Variants in PDE1C observed in about 807,000 individuals in gnomAD.
The protein encoded by PDE1C is phosphodiesterase 1C.
A neutral mutation model predicts 93.1 loss-of-function variants in PDE1C; 62 were observed. That is an observed-to-expected ratio of 0.67 (90% CI 0.54 to 0.82). The LOEUF (loss-of-function observed/expected upper bound fraction) is 0.82, where lower values mean the gene tolerates loss of function less well. Ranked by LOEUF, PDE1C falls within the 40% of genes least tolerant of loss-of-function variation. The probability of loss-of-function intolerance (pLI) is 0.00; values close to 1 mark genes in which losing one functional copy is unlikely to be tolerated. For missense variants in PDE1C, 742 were observed against 884.6 expected (o/e 0.84, Z 2.04); for synonymous variants, 325 against 310.1 (o/e 1.05, Z -0.50).
intron 1 of PDE1C, among the ~76,000 whole-genome samples, chr7:32,279,347 C>A (rs1811480866): frequency 6.6e-6 from 1 of 152,120 alleles, no homozygotes; most frequent in Admixed American, 6.5e-5. Flanking sequence ...AAAGGTCGGT[C>A]AACAGGTACA....
intron 2 of PDE1C, among the ~76,000 whole-genome samples, chr7:31,897,061 T>G (rs920041646): frequency 6.6e-6 from 1 of 152,228 alleles, no homozygotes; most frequent in African/African-American, 2.4e-5. Context: ...GATGTGCGCT[T>G]AGACTCTCCA....
chr7:31,887,487 C>G (rs1462142936), intron 2 of PDE1C, among the ~76,000 whole-genome samples: 1 of 152,054 alleles, frequency 6.6e-6, no homozygotes, highest in Non-Finnish European at 1.5e-5. Flanking sequence ...TAATTAGTAC[C>G]TAGGTGCATA....
intron 7 of PDE1C, among the ~76,000 whole-genome samples, chr7:31,861,170 C>A (rs1794652015): frequency 2.0e-5 from 3 of 152,194 alleles, no homozygotes; most frequent in African/African-American, 7.2e-5. Flanking sequence ...CAATGCACCA[C>A]TCTCTTCTTG....
At chr7:31,984,585 A>G (rs564902143) in intron 2 of PDE1C, among the ~76,000 whole-genome samples, 4 of 152,198 alleles carry the variant, frequency 2.6e-5, no homozygotes, top group Non-Finnish European at 4.4e-5. Flanking sequence ...ATGTTTTTTG[A>G]ACAAGGAGAC....
chr7:31,659,513 T>A, the PDE1C span, among the ~76,000 whole-genome samples: 3 of 152,210 alleles, frequency 2.0e-5, no homozygotes, highest in South Asian at 6.2e-4. Context: ...CAGGGCCAGA[T>A]AGCGCAAGGG....
intron 3 of PDE1C, among the ~76,000 whole-genome samples, chr7:32,085,652 A>G (rs1236500194): frequency 6.7e-6 from 1 of 148,282 alleles, no homozygotes; most frequent in Non-Finnish European, 1.5e-5. Context: ...AAGCTTATCC[A>G]CCATGATCAA....
At chr7:31,955,471 A>T (rs976834851) in intron 2 of PDE1C, among the ~76,000 whole-genome samples, 2 of 152,218 alleles carry the variant, frequency 1.3e-5, no homozygotes, top group African/African-American at 4.8e-5. Context: ...AGCTAATCTT[A>T]TAAAGAACTT....
chr7:31,986,034 A>C (rs558547903), intron 2 of PDE1C, among the ~76,000 whole-genome samples: 1 of 152,290 alleles, frequency 6.6e-6, no homozygotes, highest in East Asian at 1.9e-4. Flanking sequence ...CTACCTGGAA[A>C]ACTTAAGAGT....
chr7:32,290,997 G>T (rs908627616), intron 1 of PDE1C, among the ~76,000 whole-genome samples: 2 of 151,974 alleles, frequency 1.3e-5, no homozygotes, highest in African/African-American at 4.8e-5. Context: ...TCTTATAATG[G>T]ATATAAACTA....
chr7:31,658,297 C>A, the PDE1C span: 1 of 1,498,752 alleles, frequency 6.7e-7, no homozygotes, highest in Non-Finnish European at 8.8e-7. Flanking sequence ...AGAGCTGGAT[C>A]CCTTTTTTTT....
chr7:32,234,577 G>C (rs75498391), intron 1 of PDE1C, among the ~76,000 whole-genome samples: 30,836 of 151,732 alleles, frequency 0.2, 4,240 homozygotes, highest in Admixed American at 0.36. Flanking sequence ...GATGAAATAG[G>C]TAACATAAAT....
At chr7:31,994,294 G>C (rs1784469647) in intron 2 of PDE1C, among the ~76,000 whole-genome samples, 2 of 151,958 alleles carry the variant, frequency 1.3e-5, no homozygotes, top group Non-Finnish European at 2.9e-5. Flanking sequence ...CTACCTTTTT[G>C]TAAAAAGATA....
At chr7:32,038,043 T>A (rs1178217813) in intron 2 of PDE1C, among the ~76,000 whole-genome samples, 1 of 152,154 alleles carries the variant, frequency 6.6e-6, no homozygotes, top group South Asian at 2.1e-4. Context: ...CCTTTTTAAA[T>A]ATATGGTGGA....
rs555090110 is a variant in PDE1C, at chr7:31,994,940, T to C, written c.128+56614A>G. Among the ~76,000 whole-genome samples, 6 of 152,256 alleles carry C rather than the reference T, an allele frequency of 3.9e-5. No individual in the cohort carries two copies. In the East Asian group the frequency reaches 9.7e-4, roughly 25 times the overall value. ...AAAATTCCTGGCCCTACTGAAAATG[T>C]AGTAAAAGCCTTTCTACAACAACTT... On this transcript the variant is annotated intron_variant, in intron 2 of 17. Transcript: ENST00000396191.
Position 32,099,874 on chromosome 7 carries a change from T to G in PDE1C, c.308+69911A>C, listed in dbSNP as rs559573475. On this transcript the variant is annotated intron_variant, in intron 3 of 18. Transcript: ENST00000396193. ...CTTTACTCTGACATTTCCTTCAACC[T>G]AACTCAATTATCACCCCTTCAGTGA... Among the ~76,000 whole-genome samples the G allele has an allele frequency of 9.7e-4, 148 of 152,308 alleles. 1 individual carries two copies. Among genetic ancestry groups the G allele is most frequent in the Admixed American group, 2.5e-3 (39 of 15,298 alleles).
intron 1 of PDE1C, among the ~76,000 whole-genome samples, chr7:32,308,090 A>C (rs559327541): frequency 2.0e-5 from 3 of 152,240 alleles, no homozygotes; most frequent in Admixed American, 6.5e-5. Flanking sequence ...TATCCCGCAC[A>C]TGGCTCAGAG....
At chr7:32,324,479 C>T (rs192813327) in intron 1 of PDE1C, among the ~76,000 whole-genome samples, 149 of 152,296 alleles carry the variant, frequency 9.8e-4, no homozygotes, top group Non-Finnish European at 1.6e-3. Context: ...CAAATCTTCC[C>T]AAATTGCTTG....
At chr7:32,305,554 T>A (rs2128903112) in intron 1 of PDE1C, among the ~76,000 whole-genome samples, 1 of 152,362 alleles carries the variant, frequency 6.6e-6, no homozygotes, top group South Asian at 2.1e-4. Flanking sequence ...AAATCTGAAA[T>A]CTTCCTCTTC....
chr7:32,390,805 A>T (rs1784735979), intron 1 of PDE1C, among the ~76,000 whole-genome samples: 1 of 152,102 alleles, frequency 6.6e-6, no homozygotes, highest in Admixed American at 6.6e-5. Context: ...GTGAACCATG[A>T]TGGTGCCACT....
Sources: gnomAD v4.1 joint callset for allele counts (sites outside exome capture counted in the v4.1 genomes callset) on GRCh38, gnomAD v4.1.1 for gene constraint, MANE v1.5 for transcripts, NCBI Gene and HGNC (gene_info 2026-07-23, HGNC 2026-07-21) for gene names.